The following RBFOX1 variants were observed in gnomAD, a reference collection of about 807,000 sequenced individuals.
The protein encoded by RBFOX1 is RNA binding protein fox-1 homolog 1.
Under a neutral mutation model 57.7 loss-of-function variants are expected in RBFOX1, and 8 were observed. That is an observed-to-expected ratio of 0.14 (90% CI 0.08 to 0.25). The LOEUF (loss-of-function observed/expected upper bound fraction) is 0.25, where lower values mean the gene tolerates loss of function less well. RBFOX1 is among the 10% of genes least tolerant of loss of function. The probability of loss-of-function intolerance (pLI) is 1.00; values close to 1 mark genes in which losing one functional copy is unlikely to be tolerated. For synonymous variants in RBFOX1, 326 were observed against 222.4 expected (o/e 1.47, Z -4.15); for missense variants, 611 against 548.5 (o/e 1.11, Z -1.14).
chr16:7,552,631 A>T (rs1029426678), intron 5 of RBFOX1, among the ~76,000 whole-genome samples: 2 of 152,194 alleles, frequency 1.3e-5, no homozygotes, highest in African/African-American at 4.8e-5. Flanking sequence ...ATTTATGTCT[A>T]AAGCATTTCC....
At chr16:7,110,230 C>T (rs2064446487) in intron 4 of RBFOX1, among the ~76,000 whole-genome samples, 1 of 151,278 alleles carries the variant, frequency 6.6e-6, no homozygotes, top group Non-Finnish European at 1.5e-5. Context: ...TGTGGCACCA[C>T]CCTCGTGTAG....
In RBFOX1 at chr16:7,445,382, A is replaced by T. The variant is rs762029612; in HGVS notation, c.28-72765A>T. 2.0e-5 allele frequency among the ~76,000 whole-genome samples: 3 copies of T among 152,122 alleles called. No homozygotes were observed. In the East Asian group the frequency reaches 5.8e-4, roughly 29 times the overall value. ...AGGCCCATGGGTCTCCAGTACCCTT[A>T]TGCACCAGCTCCATTTGAGGAAATG... On this transcript the variant is annotated intron_variant, in intron 4 of 15. Coordinates refer to ENST00000550418, the MANE Select transcript of RBFOX1 (RefSeq NM_018723.4).
intron 3 of RBFOX1, among the ~76,000 whole-genome samples, chr16:6,843,143 CA>C (rs1014539786): frequency 1.2e-4 from 18 of 152,174 alleles, no homozygotes; most frequent in African/African-American, 4.3e-4. Context: ...AAACATAACA[CA>C]TTTTAAGCAT....
At chr16:7,215,219 C>G (rs1567739469) in intron 4 of RBFOX1, among the ~76,000 whole-genome samples, 1 of 152,110 alleles carries the variant, frequency 6.6e-6, no homozygotes, top group Non-Finnish European at 1.5e-5. Flanking sequence ...ATCCGTGTCT[C>G]CAAGTGTAAA....
chr16:5,499,455 A>C (rs1380348816), intron 2 of RBFOX1, among the ~76,000 whole-genome samples: 1 of 152,196 alleles, frequency 6.6e-6, no homozygotes, highest in Non-Finnish European at 1.5e-5. Flanking sequence ...CCGTCCTTTC[A>C]GCCCCACTTG....
chr16:6,844,154 A>G, intron 3 of RBFOX1, among the ~76,000 whole-genome samples: 1 of 148,294 alleles, frequency 6.7e-6, no homozygotes, highest in South Asian at 2.1e-4. Flanking sequence ...TTACCCCTAC[A>G]GGCCAGTCCC....
chr16:7,325,140 C>G (rs1338646759), intron 4 of RBFOX1, among the ~76,000 whole-genome samples: 1 of 152,182 alleles, frequency 6.6e-6, no homozygotes, highest in Non-Finnish European at 1.5e-5. Context: ...GCTGCTAATT[C>G]TGTTGTCACT....
intron 3 of RBFOX1, among the ~76,000 whole-genome samples, chr16:6,903,484 C>A (rs1015367794): frequency 1.3e-5 from 2 of 152,176 alleles, no homozygotes; most frequent in African/African-American, 4.8e-5. Context: ...GTCTAGTGTT[C>A]AGCAAGTGCT....
Position 5,783,537 on chromosome 16 carries a change from G to A in RBFOX1, c.319-83766G>A, listed in dbSNP as rs112787748. On this transcript the variant is annotated intron_variant, in intron 3 of 19. Coordinates refer to the RBFOX1 transcript ENST00000641259. ...CCTCATCCCGTTATCCAGACATCAC[G>A]TCTGTTTTCATCGTGGTAAATTCTC... Among the ~76,000 whole-genome samples the A allele has an allele frequency of 8.6e-3, 1,315 of 152,240 alleles. 25 individuals are homozygous for A. Among genetic ancestry groups the A allele is most frequent in the African/African-American group, 0.03 (1,229 of 41,538 alleles).
Position 6,341,510 on chromosome 16 carries a change from C to G in RBFOX1, c.-64+24453C>G, listed in dbSNP as rs185535343. ...TAAACAGACCCAGGCTCAGAATGTCCTGATATCCCCATATCTTGAAAACAA... is the reference window on the plus strand; with the variant it reads ...TAAACAGACCCAGGCTCAGAATGTCGTGATATCCCCATATCTTGAAAACAA... On this transcript the variant is annotated intron_variant, in intron 2 of 15. Coordinates refer to ENST00000550418, the MANE Select transcript of RBFOX1 (RefSeq NM_018723.4). 3.8e-4 allele frequency among the ~76,000 whole-genome samples: 58 copies of G among 152,264 alleles called. 1 individual carries two copies. In the East Asian group the frequency reaches 0.011, roughly 28 times the overall value.
At chr16:5,464,135 C>G (rs943857868) in intron 1 of RBFOX1, among the ~76,000 whole-genome samples, 3 of 152,146 alleles carry the variant, frequency 2.0e-5, no homozygotes, top group African/African-American at 7.2e-5. Flanking sequence ...GAAGGAGGCA[C>G]AGCTGGGGAG....
At chr16:6,277,458 C>CAAAAAAAAAAAAAAAAAA (rs59733415) in intron 1 of RBFOX1, among the ~76,000 whole-genome samples, 14 of 80,816 alleles carry the variant, frequency 1.7e-4, no homozygotes, top group African/African-American at 6.3e-4. Flanking sequence ...GTCTGTCTCC[C>CAAAAAAAAAAAAAAAAAA]AAAAAAAAAA....
intron 4 of RBFOX1, among the ~76,000 whole-genome samples, chr16:7,230,654 T>G (rs980068415): frequency 7.9e-5 from 12 of 152,182 alleles, no homozygotes; most frequent in African/African-American, 2.9e-4. Flanking sequence ...AACTTGTTTG[T>G]GAAAATCAGT....
At chr16:5,766,147 T>A (rs1473118325) in intron 3 of RBFOX1, among the ~76,000 whole-genome samples, 2 of 152,194 alleles carry the variant, frequency 1.3e-5, no homozygotes, top group African/African-American at 4.8e-5. Context: ...CCATCATAGA[T>A]ATTCATGGTA....
chr16:6,406,423 G>A (rs759921798), intron 2 of RBFOX1, among the ~76,000 whole-genome samples: 2 of 152,044 alleles, frequency 1.3e-5, no homozygotes, highest in African/African-American at 2.4e-5. Context: ...GACAAATATG[G>A]AAGTCATTAA....
chr16:6,557,102 C>A (rs1021073917), intron 2 of RBFOX1, among the ~76,000 whole-genome samples: 13 of 144,376 alleles, frequency 9.0e-5, no homozygotes, highest in Admixed American at 8.4e-4. Context: ...TACATATATA[C>A]ATACATATAT....
chr16:6,014,195 T>C (rs762205377), upstream of RBFOX1, among the ~76,000 whole-genome samples: 7 of 152,134 alleles, frequency 4.6e-5, no homozygotes, highest in African/African-American at 7.2e-5. Context: ...AAAGAGCTTA[T>C]ATAGTAAATA....
chr16:7,693,225 C>A, intron 14 of RBFOX1: 1 of 1,044,132 alleles, frequency 9.6e-7, no homozygotes, highest in South Asian at 1.3e-5. Context: ...AGCACCCTTC[C>A]CTCCCCTCAT....
chr16:6,534,255 GTA>G (rs922091553), intron 2 of RBFOX1, among the ~76,000 whole-genome samples: 1 of 151,442 alleles, frequency 6.6e-6, no homozygotes, highest in Non-Finnish European at 1.5e-5. Flanking sequence ...ACATCAGTGT[GTA>G]TGTGTGTGTG....
Sources: allele counts gnomAD v4.1 joint callset (sites outside exome capture counted in the v4.1 genomes callset), GRCh38; gene constraint gnomAD v4.1.1; transcripts MANE v1.5; gene names NCBI Gene and HGNC (gene_info 2026-07-23, HGNC 2026-07-21).